COPS3: variants seen among roughly 807,000 people sequenced by gnomAD.
The protein encoded by COPS3 is COP9 signalosome subunit 3.
In COPS3, 10 loss-of-function variants were observed where a neutral mutation model predicts 58.2. That is an observed-to-expected ratio of 0.17 (90% CI 0.11 to 0.29). COPS3 has a LOEUF of 0.29. Among genes scored for constraint, COPS3 ranks in the 10% least tolerant of loss-of-function variants. The pLI is 1.00. For missense variants in COPS3, 333 were observed against 510.1 expected (o/e 0.65, Z 3.34); for synonymous variants, 187 against 181.7 (o/e 1.03, Z -0.24).
At chr17:17,261,337 T>TA (rs1159431587) in intron 7 of COPS3, among the ~76,000 whole-genome samples, 1 of 151,574 alleles carries the variant, frequency 6.6e-6, no homozygotes, top group Non-Finnish European at 1.5e-5. Flanking sequence ...CAATCCTGGC[T>TA]AACACGGTGA....
At chr17:17,271,840 C>CTATCTATCTATATATATATCTA (rs1555620659) in intron 2 of COPS3, among the ~76,000 whole-genome samples, 13 of 139,164 alleles carry the variant, frequency 9.3e-5, no homozygotes, top group Non-Finnish European at 1.4e-4. Flanking sequence ...CTATATATAT[C>CTATCTATCTATATATATATCTA]TATATATATA....
At chr17:17,255,185 A>G in intron 8 of COPS3, 1 of 281,498 alleles carries the variant, frequency 3.6e-6, no homozygotes, top group South Asian at 5.6e-5. Flanking sequence ...CTGTAGTCCC[A>G]GCTACTTGGG....
chr17:17,268,818 CAAA>C lies in COPS3; in HGVS notation c.349-844_349-842del, dbSNP rs201782368. 1.6e-3 allele frequency among the ~76,000 whole-genome samples: 194 copies of C among 123,162 alleles called. 1 individual carries two copies. The highest frequency in any genetic ancestry group is 3.7e-3 in the African/African-American group (126 of 34,066). The allele number at this position is 123,162 out of a possible 152,430, so 80.8% of individuals were successfully genotyped here. A position where few individuals can be genotyped will look rare whatever the true frequency, so the allele number is the denominator to read the frequency against. On this transcript the variant is annotated intron_variant, in intron 4 of 11. Coordinates refer to ENST00000268717, the MANE Select transcript of COPS3 (RefSeq NM_003653.4). The stretch of plus-strand genomic sequence containing the variant: ...TGGGCAACAGAGCAAGACCCCATCT[CAAA>C]AAAACAACAACAACAACAACAACAA...
Position 17,260,382 on chromosome 17 carries a change from G to C in COPS3, c.855C>G (p.Thr285=), listed in dbSNP as rs1304996576. The C allele has an allele frequency of 4.3e-6, 7 of 1,613,990 alleles. No homozygotes were observed. The highest frequency in any genetic ancestry group is 5.9e-6 in the Non-Finnish European group (7 of 1,179,990). The change falls in exon 8 of 12, where the codon ACC becomes ACG. Residue 285 remains threonine (T), a synonymous_variant. Coordinates refer to ENST00000268717, the MANE Select transcript of COPS3 (RefSeq NM_003653.4). ...LRNLVNKHSE[T]FTRDNNMGLV... is the part of the protein sequence containing the mutation. ...GCCCCATGTTGTTATCGCGAGTGAA[G>C]GTTTCACTGTGCTTATTCACCAGGT...
intron 8 of COPS3, among the ~76,000 whole-genome samples, chr17:17,257,647 A>G (rs914338998): frequency 6.6e-6 from 1 of 150,940 alleles, no homozygotes; most frequent in African/African-American, 2.4e-5. Flanking sequence ...AATACAAACA[A>G]TTAGCCAGGT....
rs773256226 is a variant in COPS3, at chr17:17,276,113, G to A, written c.107C>T (p.Ala36Val). 19 of 1,613,924 alleles carry A rather than the reference G, an allele frequency of 1.2e-5. No homozygotes were observed. Among genetic ancestry groups the A allele is most frequent in the Admixed American group, 1.7e-5 (1 of 59,978 alleles). ...ELINKSGELL[A>V]KNLSHLDTVL... ...AGTGTCCAGATGGGATAAGTTCTTC[G>A]CAAGGAGTTCCCCACTCTTGTTGAT... The change falls in exon 2 of 12, where the codon GCG becomes GTG. Residue 36 changes from alanine (A) to valine (V), a missense_variant. By Grantham distance (64) the Ala-to-Val change is moderately conservative (BLOSUM62 0). Transcript: ENST00000268717.
chr17:17,249,826 C>A (rs1284855780), intron 9 of COPS3, among the ~76,000 whole-genome samples: 1 of 152,168 alleles, frequency 6.6e-6, no homozygotes, highest in Non-Finnish European at 1.5e-5. Context: ...CGGGGTTTCA[C>A]CATGTTGGCC....
intron 1 of COPS3, chr17:17,280,737 C>T (rs930231389): frequency 1.6e-6 from 2 of 1,239,434 alleles, no homozygotes; most frequent in Non-Finnish European, 2.1e-6. Flanking sequence ...CAGCAAGCTG[C>T]GGATCGGCGG....
At chr17:17,247,347 A>G (rs1351832790) in intron 11 of COPS3, 133 bp downstream of exon 11, 2 of 969,102 alleles carry the variant, frequency 2.1e-6, no homozygotes, top group Admixed American at 1.9e-5. Flanking sequence ...CTCAACTAGT[A>G]TTTCTCCATG....
Position 17,276,254 on chromosome 17 carries a change from G to C in COPS3, c.56-90C>G, listed in dbSNP as rs369463664. The C allele has an allele frequency of 9.8e-6, 15 of 1,530,702 alleles. No individual in the cohort carries two copies. In the Admixed American group the frequency reaches 1.4e-4, roughly 15 times the overall value. The allele number at this position is 1,530,702 out of a possible 1,614,324, so 94.8% of individuals were successfully genotyped here. Reference sequence around the variant, plus strand: ...ACCACAACTTTGTACTTCAGAGCCTGAAGTTCCCAAAATTGATTCTTAATC... The same window carrying C: ...ACCACAACTTTGTACTTCAGAGCCTCAAGTTCCCAAAATTGATTCTTAATC... On this transcript the variant is annotated intron_variant, in intron 1 of 11. Coordinates refer to ENST00000268717, the MANE Select transcript of COPS3 (RefSeq NM_003653.4).
intron 9 of COPS3, among the ~76,000 whole-genome samples, chr17:17,249,719 C>T (rs1299522933): frequency 1.3e-5 from 2 of 152,152 alleles, no homozygotes; most frequent in African/African-American, 2.4e-5. Flanking sequence ...CTCCAACTCC[C>T]GACTTTAGGT....
intron 4 of COPS3, 91 bp downstream of exon 4, chr17:17,270,666 CA>C: frequency 8.8e-7 from 1 of 1,131,880 alleles, no homozygotes; most frequent in Non-Finnish European, 1.3e-6. Context: ...GGTGGATGCT[CA>C]GTACTAACTG....
At chr17:17,275,018 G>A (rs1156610181) in intron 2 of COPS3, among the ~76,000 whole-genome samples, 2 of 151,756 alleles carry the variant, frequency 1.3e-5, no homozygotes, top group Non-Finnish European at 2.9e-5. Context: ...TTAAGCTGCT[G>A]CCCACCTCCA....
At chr17:17,269,441 C>T (rs893305673) in intron 4 of COPS3, among the ~76,000 whole-genome samples, 1 of 151,724 alleles carries the variant, frequency 6.6e-6, no homozygotes, top group Non-Finnish European at 1.5e-5. Context: ...CAAAACAAAA[C>T]AAAAATCAGC....
At chr17:17,249,098 T>C (rs1055987290) in intron 9 of COPS3, 59 bp from the exon 10 acceptor site, 43 of 884,956 alleles carry the variant, frequency 4.9e-5, no homozygotes, top group Non-Finnish European at 3.6e-5. Context: ...GCTATATGAA[T>C]AGTCATCCAG....
Position 17,254,896 on chromosome 17 carries a change from G to T in COPS3, c.986C>A (p.Ser329Tyr). 6.2e-7 allele frequency: 1 copy of T among 1,612,726 alleles called. No homozygotes were observed. Among genetic ancestry groups the T allele is most frequent in the South Asian group, 1.1e-5 (1 of 91,054 alleles). ...LQDMASRVQL[S>Y]GPQEAEKYVL... ...GTATTTCTCTGCCTCCTGAGGTCCA[G>T]ACAACTGCACACGACTTGCCATATC... The change falls in exon 9 of 12, where the codon TCT (serine) becomes TAT (tyrosine). Residue 329 changes from serine (S) to tyrosine (Y), a missense_variant. Ser to Tyr is a moderately radical substitution (Grantham distance 144). Transcript: ENST00000268717.
chr17:17,255,884 G>C (rs1179325808), intron 8 of COPS3, among the ~76,000 whole-genome samples: 1 of 84,652 alleles, frequency 1.2e-5, no homozygotes, highest in Admixed American at 1.2e-4. Context: ...ATAAATAACT[G>C]ATAGGCTGGG....
At chr17:17,268,470 TAAG>T (rs2048275086) in intron 4 of COPS3, among the ~76,000 whole-genome samples, 1 of 152,110 alleles carries the variant, frequency 6.6e-6, no homozygotes, top group Non-Finnish European at 1.5e-5. Context: ...TGATTATAAA[TAAG>T]AAGACCAAGT....
At chr17:17,255,838 CAAAA>C (rs1167774167) in intron 8 of COPS3, among the ~76,000 whole-genome samples, 1 of 42,736 alleles carries the variant, frequency 2.3e-5, no homozygotes, top group Non-Finnish European at 4.1e-5. Context: ...GACTCCATCT[CAAAA>C]TAAATAAATA....
Sources: allele counts gnomAD v4.1 joint callset (sites outside exome capture counted in the v4.1 genomes callset), GRCh38; gene constraint gnomAD v4.1.1; transcripts MANE v1.5; gene names NCBI Gene and HGNC (gene_info 2026-07-23, HGNC 2026-07-21).